Variants in TEAD1 observed in about 807,000 individuals in gnomAD.
TEAD1 encodes transcriptional enhancer factor TEF-1.
TEAD1 carries 9 observed loss-of-function variants against 54.9 expected under a neutral mutation model. The observed-to-expected ratio is 0.16, with a 90% CI of 0.10 to 0.29. TEAD1 has a LOEUF of 0.29. Ranked by LOEUF, TEAD1 falls within the 10% of genes least tolerant of loss-of-function variation. TEAD1 has a pLI of 1.00. For missense variants in TEAD1, 387 were observed against 535.9 expected (o/e 0.72, Z 2.74); for synonymous variants, 200 against 187.8 (o/e 1.07, Z -0.53).
chr11:12,837,717 T>TTCTC (rs1554940171), intron 3 of TEAD1, among the ~76,000 whole-genome samples: 3 of 146,618 alleles, frequency 2.0e-5, no homozygotes, highest in Non-Finnish European at 4.5e-5. Flanking sequence ...CCCTTCTCCT[T>TTCTC]CTCCTTCTTC....
At chr11:12,779,069 T>C (rs1190168303) in intron 3 of TEAD1, among the ~76,000 whole-genome samples, 1 of 152,180 alleles carries the variant, frequency 6.6e-6, no homozygotes, top group Non-Finnish European at 1.5e-5. Flanking sequence ...CTGGACATAA[T>C]ATGTTTGTAA....
intron 3 of TEAD1, among the ~76,000 whole-genome samples, chr11:12,792,767 C>G (rs73423679): frequency 1.3e-5 from 2 of 152,092 alleles, no homozygotes; most frequent in African/African-American, 2.4e-5. Flanking sequence ...CAAAATGTTA[C>G]AAAATGAGCT....
At chr11:12,889,640 A>G (rs1948156575) in intron 9 of TEAD1, among the ~76,000 whole-genome samples, 1 of 152,252 alleles carries the variant, frequency 6.6e-6, no homozygotes, top group Non-Finnish European at 1.5e-5. Context: ...CTTGCAGAAG[A>G]GAAGTTCCAT....
rs538294804 is a variant in TEAD1 at position 12,839,807 on chromosome 11, A to C, written c.203-22443A>C. On this transcript the variant is annotated intron_variant, in intron 3 of 12. Coordinates refer to ENST00000527636, the MANE Select transcript of TEAD1 (RefSeq NM_021961.6). ...CAAGAGTTGGCATTCTAGGTGTAGT[A>C]GGGGACTATATGATAGAAAGCCCAC... 6.2e-4 allele frequency among the ~76,000 whole-genome samples: 95 copies of C among 152,280 alleles called. 1 individual carries two copies. In the Middle Eastern group the frequency reaches 0.01, roughly 16 times the overall value.
intron 10 of TEAD1, chr11:12,921,370 C>T (rs1033664637): frequency 6.6e-6 from 1 of 152,094 alleles, no homozygotes; most frequent in African/African-American, 2.4e-5. Context: ...AACCTCGTCT[C>T]TACCAAAAAT....
chr11:12,864,660 T>TTGTTTTGTTTTGTTTG, intron 4 of TEAD1, 178 bp from the exon 5 acceptor site: 1 of 1,467,448 alleles, frequency 6.8e-7, no homozygotes, highest in Non-Finnish European at 9.0e-7. Flanking sequence ...TTGTTTTGTT[T>TTGTTTTGTTTTGTTTG]CCCCTCATAA....
At position 12,937,095 on chromosome 11, in the gene TEAD1, T is replaced by G; in HGVS notation, c.1168-14T>G. 1 of 1,580,470 alleles carries G rather than the reference T, an allele frequency of 6.3e-7. No homozygotes were observed. The highest frequency in any genetic ancestry group is 8.7e-7 in the Non-Finnish European group (1 of 1,150,400). ...ATCCTTTTGGTATTATATACTTTTT[T>G]TTTATCTTAACAGGTGGTAACAAAC... On this transcript the variant is annotated splice_polypyrimidine_tract_variant and intron_variant, in intron 12 of 12. Coordinates refer to ENST00000527636, the MANE Select transcript of TEAD1 (RefSeq NM_021961.6).
intron 5 of TEAD1, among the ~76,000 whole-genome samples, chr11:12,869,326 C>T (rs889524700): frequency 6.6e-6 from 1 of 152,120 alleles, no homozygotes; most frequent in African/African-American, 2.4e-5. Flanking sequence ...GGCCAACCCA[C>T]ACCCCCTGGG....
chr11:12,764,484 T>A, intron 3 of TEAD1, 50 bp downstream of exon 3: 3 of 1,596,600 alleles, frequency 1.9e-6, no homozygotes, highest in Non-Finnish European at 2.6e-6. Flanking sequence ...GCAGTTGTGG[T>A]AGGGGATAGA....
rs12421496 is a variant in TEAD1, at chr11:12,779,685, C to T, written c.202+15251C>T. On this transcript the variant is annotated intron_variant, in intron 3 of 12. Transcript: ENST00000527636. The stretch of plus-strand genomic sequence containing the variant: ...TGAATATAGATATAAAACTCCTCCA[C>T]AAAATATGAACCCATTCAGCAACAT... Among the ~76,000 whole-genome samples, 438 of 152,282 alleles carry T rather than the reference C, an allele frequency of 2.9e-3. 4 individuals are homozygous for T. Among genetic ancestry groups the T allele is most frequent in the Non-Finnish European group, 4.3e-3 (294 of 68,010 alleles).
intron 4 of TEAD1, among the ~76,000 whole-genome samples, chr11:12,863,327 G>T (rs1947546979): frequency 6.6e-6 from 1 of 152,184 alleles, no homozygotes; most frequent in Non-Finnish European, 1.5e-5. Flanking sequence ...CTGCCAGCAC[G>T]CAGAGGCAGC....
intron 3 of TEAD1, among the ~76,000 whole-genome samples, chr11:12,787,391 G>A (rs552426063): frequency 2.0e-5 from 3 of 152,162 alleles, no homozygotes; most frequent in Non-Finnish European, 4.4e-5. Context: ...CTGGTTTAAG[G>A]GACAGTTCCC....
chr11:12,774,989 A>G (rs1945389260), intron 3 of TEAD1, among the ~76,000 whole-genome samples: 1 of 152,186 alleles, frequency 6.6e-6, no homozygotes, highest in South Asian at 2.1e-4. Flanking sequence ...TTACCCATAT[A>G]ACAAACCTGC....
chr11:12,892,222 C>G (rs1416381360), intron 9 of TEAD1, among the ~76,000 whole-genome samples: 1 of 152,044 alleles, frequency 6.6e-6, no homozygotes, highest in Non-Finnish European at 1.5e-5. Context: ...GAACACAGAT[C>G]CTTTCTTGGT....
At chr11:12,873,935 C>A (rs946381948) in intron 5 of TEAD1, among the ~76,000 whole-genome samples, 5 of 152,224 alleles carry the variant, frequency 3.3e-5, no homozygotes, top group Non-Finnish European at 5.9e-5. Flanking sequence ...TCCTCCCTTG[C>A]ACTATATTGC....
chr11:12,850,201 C>T (rs767948697), intron 3 of TEAD1, among the ~76,000 whole-genome samples: 9 of 152,204 alleles, frequency 5.9e-5, no homozygotes, highest in Middle Eastern at 3.4e-3. Context: ...TTTCGGAGGC[C>T]GAGGCGTGTG....
intron 3 of TEAD1, among the ~76,000 whole-genome samples, chr11:12,769,048 A>G (rs77743964): frequency 0.06 from 9,066 of 152,172 alleles, 874 homozygotes; most frequent in African/African-American, 0.21. Flanking sequence ...GGATCCTATA[A>G]GCAGTCTGGG....
intron 5 of TEAD1, among the ~76,000 whole-genome samples, chr11:12,876,793 A>G (rs922329912): frequency 2.9e-4 from 44 of 152,154 alleles, no homozygotes; most frequent in Non-Finnish European, 8.8e-5. Flanking sequence ...AGAGAAACCA[A>G]TGGATTCGTA....
At chr11:12,680,458 A>G (rs1943195155) in intron 2 of TEAD1, among the ~76,000 whole-genome samples, 1 of 152,340 alleles carries the variant, frequency 6.6e-6, no homozygotes, top group East Asian at 1.9e-4. Flanking sequence ...AAAAGGAGCC[A>G]AGTGTTTTAA....
Sources: gnomAD v4.1 joint callset for allele counts (sites outside exome capture counted in the v4.1 genomes callset) on GRCh38, gnomAD v4.1.1 for gene constraint, MANE v1.5 for transcripts, NCBI Gene and HGNC (gene_info 2026-07-23, HGNC 2026-07-21) for gene names.